The following VWC2 variants were observed in gnomAD, a reference collection of about 807,000 sequenced individuals.
VWC2 encodes brorin.
In VWC2, 14 loss-of-function variants were observed where a neutral mutation model predicts 29.8. The observed-to-expected ratio is 0.47, with a 90% CI of 0.31 to 0.74. VWC2 has a LOEUF of 0.74. VWC2 is among the 30% of genes least tolerant of loss of function. VWC2 has a pLI of 0.05. For missense variants in VWC2, 457 were observed against 459.8 expected (o/e 0.99, Z 0.05); for synonymous variants, 213 against 199.0 (o/e 1.07, Z -0.59).
At chr7:49,788,464 TGTGTGA>T (rs1008388791) in intron 2 of VWC2, among the ~76,000 whole-genome samples, 145 of 149,700 alleles carry the variant, frequency 9.7e-4, no homozygotes, top group African/African-American at 2.3e-3. Context: ...TGTGTGTGTG[TGTGTGA>T]GAGAGAGTGT....
At chr7:49,899,800 G>T (rs1173744863) in intron 3 of VWC2, among the ~76,000 whole-genome samples, 1 of 151,932 alleles carries the variant, frequency 6.6e-6, no homozygotes, top group African/African-American at 2.4e-5. Context: ...TAGTTGACCT[G>T]AAGAGTACCA....
intron 2 of VWC2, among the ~76,000 whole-genome samples, chr7:49,796,074 G>C (rs1384416521): frequency 2.0e-5 from 3 of 152,146 alleles, no homozygotes; most frequent in Non-Finnish European, 4.4e-5. Flanking sequence ...GTCTTATTTT[G>C]TATCATTGCA....
At chr7:49,873,760 T>C (rs1225492085) in intron 3 of VWC2, among the ~76,000 whole-genome samples, 1 of 152,102 alleles carries the variant, frequency 6.6e-6, no homozygotes, top group Non-Finnish European at 1.5e-5. Flanking sequence ...TTGTTATTAA[T>C]GACCAAAAAT....
intron 2 of VWC2, among the ~76,000 whole-genome samples, chr7:49,780,063 A>G (rs1788141660): frequency 6.6e-6 from 1 of 152,224 alleles, no homozygotes; most frequent in Admixed American, 6.5e-5. Context: ...AGTGTCAATG[A>G]CCAAAATTGA....
chr7:49,825,376 A>G (rs1789369731), intron 3 of VWC2, among the ~76,000 whole-genome samples: 1 of 152,084 alleles, frequency 6.6e-6, no homozygotes, highest in Admixed American at 6.6e-5. Flanking sequence ...TTTCTCCTTC[A>G]GTATGGGGCA....
chr7:49,888,826 G>T (rs1583760558), intron 3 of VWC2, among the ~76,000 whole-genome samples: 1 of 152,116 alleles, frequency 6.6e-6, no homozygotes, highest in African/African-American at 2.4e-5. Flanking sequence ...CAGGAGAATC[G>T]CTTGAACTCG....
chr7:49,857,710 T>C (rs1323846809), intron 3 of VWC2, among the ~76,000 whole-genome samples: 2 of 152,042 alleles, frequency 1.3e-5, no homozygotes, highest in African/African-American at 4.8e-5. Flanking sequence ...GAATGCAAAA[T>C]GGTGTAGTCC....
At chr7:49,898,855 A>G (rs1792542627) in intron 3 of VWC2, among the ~76,000 whole-genome samples, 1 of 152,144 alleles carries the variant, frequency 6.6e-6, no homozygotes, top group Admixed American at 6.5e-5. Context: ...TATACCATGT[A>G]TGCTAAGAAA....
rs902702668 is a variant in VWC2 at position 49,912,251 on chromosome 7, A to T, written c.*66A>T. On this transcript the variant is annotated 3_prime_UTR_variant, in exon 4 of 4. Coordinates refer to ENST00000340652, the MANE Select transcript of VWC2 (RefSeq NM_198570.5). ...TTTACTGATGTGAACATTCTAGATG[A>T]CTCTGGGAACTATCAGTCAAAGAAG... is the stretch of plus-strand genomic sequence containing the variant. 30 of 1,495,832 alleles carry T rather than the reference A, an allele frequency of 2.0e-5. No individual in the cohort carries two copies. Among genetic ancestry groups the T allele is most frequent in the Non-Finnish European group, 2.5e-5 (28 of 1,106,238 alleles). The allele number at this position is 1,495,832 out of a possible 1,614,324, so 92.7% of individuals were successfully genotyped here.
intron 3 of VWC2, among the ~76,000 whole-genome samples, chr7:49,884,056 A>G (rs1392784672): frequency 6.6e-6 from 1 of 152,218 alleles, no homozygotes. Flanking sequence ...ACCTTGGGGC[A>G]TCACACACTT....
At chr7:49,835,693 A>C (rs1303894018) in intron 3 of VWC2, among the ~76,000 whole-genome samples, 1 of 152,220 alleles carries the variant, frequency 6.6e-6, no homozygotes, top group Non-Finnish European at 1.5e-5. Flanking sequence ...GTGGTGTGGC[A>C]ATTTGTGTTG....
At chr7:49,885,478 C>A (rs1039833833) in intron 3 of VWC2, among the ~76,000 whole-genome samples, 1 of 151,544 alleles carries the variant, frequency 6.6e-6, no homozygotes, top group Non-Finnish European at 1.5e-5. Flanking sequence ...AGATTAACTT[C>A]ATCAAATTAC....
At chr7:49,853,809 C>T (rs1458762181) in intron 3 of VWC2, among the ~76,000 whole-genome samples, 6 of 151,956 alleles carry the variant, frequency 3.9e-5, no homozygotes, top group East Asian at 3.9e-4. Flanking sequence ...TGGTGTGCTG[C>T]ACCCATTAAC....
intron 3 of VWC2, among the ~76,000 whole-genome samples, chr7:49,897,812 C>T (rs1792464294): frequency 6.6e-6 from 1 of 152,194 alleles, no homozygotes; most frequent in Admixed American, 6.5e-5. Context: ...AAAAACTCCA[C>T]AGGGATTCAG....
intron 3 of VWC2, among the ~76,000 whole-genome samples, chr7:49,846,185 T>C (rs185680941): frequency 6.6e-6 from 1 of 152,318 alleles, no homozygotes; most frequent in East Asian, 1.9e-4. Flanking sequence ...ATCCACCCCA[T>C]TTCCAATACC....
At chr7:49,823,088 C>G (rs1293243254) in intron 3 of VWC2, among the ~76,000 whole-genome samples, 1 of 152,196 alleles carries the variant, frequency 6.6e-6, no homozygotes, top group Admixed American at 6.5e-5. Flanking sequence ...AACAGTTTTC[C>G]AAAGTGGCTG....
intron 3 of VWC2, among the ~76,000 whole-genome samples, chr7:49,841,207 G>A (rs2128713548): frequency 6.6e-6 from 1 of 152,264 alleles, no homozygotes; most frequent in South Asian, 2.1e-4. Context: ...GCAAGAAAGA[G>A]GCCTGACTAT....
chr7:49,902,524 A>G (rs912908322), intron 3 of VWC2, among the ~76,000 whole-genome samples: 6 of 151,040 alleles, frequency 4.0e-5, no homozygotes, highest in African/African-American at 1.5e-4. Context: ...TTTTTAACAA[A>G]TGACACTGTA....
At chr7:49,793,611 C>A (rs771925689) in intron 2 of VWC2, among the ~76,000 whole-genome samples, 2 of 152,080 alleles carry the variant, frequency 1.3e-5, no homozygotes, top group African/African-American at 2.4e-5. Flanking sequence ...TTTTGAGATT[C>A]ATCTGTATTG....
Sources: allele counts gnomAD v4.1 joint callset (sites outside exome capture counted in the v4.1 genomes callset), GRCh38; gene constraint gnomAD v4.1.1; transcripts MANE v1.5; gene names NCBI Gene and HGNC (gene_info 2026-07-23, HGNC 2026-07-21).